The following SMCO2 variants were observed in gnomAD, a reference collection of about 807,000 sequenced individuals.
SMCO2 encodes single-pass membrane and coiled-coil domain-containing protein 2.
SMCO2 carries 25 observed loss-of-function variants against 29.5 expected under a neutral mutation model. The ratio of observed to expected loss-of-function variants is 0.85; its 90% CI spans 0.62 to 1.18. The LOEUF (loss-of-function observed/expected upper bound fraction) is 1.18. SMCO2 is among the 50% of genes most tolerant of loss of function. The probability of loss-of-function intolerance (pLI) is 0.00; values close to 1 mark genes in which losing one functional copy is unlikely to be tolerated. For synonymous variants in SMCO2, 117 were observed against 123.3 expected, an observed-to-expected ratio of 0.95 and a Z score of 0.34; for missense variants, 348 against 344.5, an observed-to-expected ratio of 1.01 and a Z score of -0.08.
At chr12:27,436,916 C>A in the SMCO2 span, among the ~76,000 whole-genome samples, 8 of 152,212 alleles carry the variant, frequency 5.3e-5, no homozygotes, top group African/African-American at 1.9e-4. Context: ...TTCAAACTTT[C>A]CATGTCACCA....
At chr12:27,432,831 A>G in the SMCO2 span, among the ~76,000 whole-genome samples, 1 of 152,248 alleles carries the variant, frequency 6.6e-6, no homozygotes, top group African/African-American at 2.4e-5. Context: ...GCAGATTCAC[A>G]ATGATTACAA....
At chr12:27,470,494 C>T in intron 1 of SMCO2, 128 bp from the exon 2 acceptor site, 3 of 929,108 alleles carry the variant, frequency 3.2e-6, no homozygotes, top group South Asian at 3.6e-5. Context: ...TTACGATGAA[C>T]AGCCAGTTGA....
chr12:27,424,349 A>G, the SMCO2 span: 1 of 152,260 alleles, frequency 6.6e-6, no homozygotes, highest in Non-Finnish European at 1.5e-5. Flanking sequence ...TTTGAAAATA[A>G]TAAACTTTAA....
chr12:27,430,919 C>G, the SMCO2 span, among the ~76,000 whole-genome samples: 1 of 152,026 alleles, frequency 6.6e-6, no homozygotes, highest in Non-Finnish European at 1.5e-5. Flanking sequence ...TTTGATAAAC[C>G]TTTGATTTAT....
At chr12:27,433,892 C>T in the SMCO2 span, among the ~76,000 whole-genome samples, 1 of 152,134 alleles carries the variant, frequency 6.6e-6, no homozygotes, top group Non-Finnish European at 1.5e-5. Context: ...CAACAGTTGC[C>T]CTGAACGTGC....
rs368074264 is a variant in SMCO2, at chr12:27,474,914, G to A, written c.362+1G>A. 242 of 1,550,768 alleles carry A rather than the reference G, an allele frequency of 1.6e-4. No individual in the cohort carries two copies. The African/African-American group carries it at 2.8e-3, about 18-fold the overall frequency. On this transcript the variant is annotated splice_donor_variant, in intron 4 of 7. Coordinates refer to ENST00000298876, the Ensembl canonical transcript of SMCO2. LOFTEE classifies it high-confidence loss of function. The stretch of plus-strand genomic sequence containing the variant: ...TTTCAAAGAAGAACCTCCTTGAACT[G>A]TAAGTCTTGACACATGCAAGACAGA...
exon 5 of SMCO2, chr12:27,488,512 C>G (rs148846851): frequency 7.8e-6 from 12 of 1,538,586 alleles, no homozygotes; most frequent in Non-Finnish European, 1.1e-5. Context: ...GCTGGAGGAC[C>G]GGGGCCTTGA....
At chr12:27,476,795 ATCAAT>A (rs1287518434) in intron 4 of SMCO2, among the ~76,000 whole-genome samples, 1 of 152,200 alleles carries the variant, frequency 6.6e-6, no homozygotes, top group East Asian at 1.9e-4. Flanking sequence ...CATTTAAAAA[ATCAAT>A]TCAACCACTC....
At chr12:27,459,092 C>G in the SMCO2 span, among the ~76,000 whole-genome samples, 1 of 147,208 alleles carries the variant, frequency 6.8e-6, no homozygotes. Context: ...GAGGCTGAGG[C>G]AGGAGAATGG....
intron 1 of SMCO2, among the ~76,000 whole-genome samples, chr12:27,468,286 G>A (rs947226650): frequency 6.6e-6 from 1 of 152,240 alleles, no homozygotes; most frequent in African/African-American, 2.4e-5. Flanking sequence ...GGGTTGGCAT[G>A]CTTCTTCTGT....
At chr12:27,487,389 G>A (rs972714980) in intron 4 of SMCO2, among the ~76,000 whole-genome samples, 11 of 151,920 alleles carry the variant, frequency 7.2e-5, no homozygotes, top group South Asian at 2.1e-4. Context: ...CCAAATTTTC[G>A]CATGTATTGA....
chr12:27,447,896 G>C, the SMCO2 span, among the ~76,000 whole-genome samples: 97,710 of 151,442 alleles, frequency 0.65, 31,790 homozygotes, highest in Middle Eastern at 0.78. Context: ...CTGAGCCCCA[G>C]AAACTCAGCC....
chr12:27,462,829 T>C (rs1949468681), upstream of SMCO2, among the ~76,000 whole-genome samples: 1 of 152,192 alleles, frequency 6.6e-6, no homozygotes, highest in Non-Finnish European at 1.5e-5. Context: ...AATCAACACA[T>C]ATTTACTCCC....
intron 7 of SMCO2, chr12:27,498,470 A>G (rs544248936): frequency 5.0e-5 from 11 of 219,912 alleles, no homozygotes; most frequent in African/African-American, 2.6e-4. Context: ...GTGGAGAAAG[A>G]TCGACAAGAG....
the SMCO2 span, among the ~76,000 whole-genome samples, chr12:27,433,613 C>T: frequency 6.6e-6 from 1 of 151,856 alleles, no homozygotes; most frequent in Admixed American, 6.6e-5. Context: ...AAAACTCTAC[C>T]CAACTTTTAG....
chr12:27,473,048 C>T, intron 3 of SMCO2, 173 bp downstream of exon 3: 1 of 552,768 alleles, frequency 1.8e-6, no homozygotes, highest in Non-Finnish European at 3.2e-6. Flanking sequence ...TGGCATTGTT[C>T]CCACTGGATG....
chr12:27,435,073 G>A, the SMCO2 span, among the ~76,000 whole-genome samples: 2 of 152,034 alleles, frequency 1.3e-5, no homozygotes, highest in African/African-American at 4.8e-5. Flanking sequence ...CCTGGGTAAT[G>A]TTCCCATTTT....
intron 4 of SMCO2, among the ~76,000 whole-genome samples, chr12:27,476,691 T>G (rs995813392): frequency 4.6e-5 from 7 of 151,960 alleles, no homozygotes; most frequent in African/African-American, 1.4e-4. Context: ...TTTTGATTTC[T>G]GTTTGCATGA....
chr12:27,431,994 C>A, the SMCO2 span, among the ~76,000 whole-genome samples: 1 of 152,092 alleles, frequency 6.6e-6, no homozygotes, highest in Admixed American at 6.5e-5. Flanking sequence ...GCAGTGATAT[C>A]TCATTGTGGT....
Sources: gnomAD v4.1 joint callset for allele counts (sites outside exome capture counted in the v4.1 genomes callset) on GRCh38, gnomAD v4.1.1 for gene constraint, MANE v1.5 for transcripts, NCBI Gene and HGNC (gene_info 2026-07-23, HGNC 2026-07-21) for gene names.